Variants in ASPH observed in about 807,000 individuals in gnomAD.
ASPH encodes the protein aspartyl/asparaginyl beta-hydroxylase.
ASPH carries 100 observed loss-of-function variants against 118.4 expected under a neutral mutation model. The ratio of observed to expected loss-of-function variants is 0.84; its 90% CI spans 0.72 to 1.00. The LOEUF (loss-of-function observed/expected upper bound fraction) is 1.00, where lower values mean the gene tolerates loss of function less well. Among genes scored for constraint, ASPH ranks in the 50% least tolerant of loss-of-function variants. ASPH has a pLI of 0.00. For missense variants in ASPH, 920 were observed against 919.5 expected, an observed-to-expected ratio of 1.00 and a Z score of -0.01; for synonymous variants, 315 against 325.6, an observed-to-expected ratio of 0.97 and a Z score of 0.35.
At chr8:61,545,126 C>T (rs1306375660) in intron 21 of ASPH, among the ~76,000 whole-genome samples, 1 of 152,110 alleles carries the variant, frequency 6.6e-6, no homozygotes, top group Non-Finnish European at 1.5e-5. Context: ...CGTTTGTGTC[C>T]CCCAAATTCA....
At chr8:61,599,992 T>C (rs1843511555) in intron 14 of ASPH, among the ~76,000 whole-genome samples, 1 of 152,156 alleles carries the variant, frequency 6.6e-6, no homozygotes, top group Admixed American at 6.5e-5. Flanking sequence ...CTGATATTCC[T>C]GATACGAAAA....
chr8:61,543,929 C>T (rs1432933862), intron 21 of ASPH, among the ~76,000 whole-genome samples: 1 of 152,146 alleles, frequency 6.6e-6, no homozygotes, highest in East Asian at 1.9e-4. Context: ...ATTGTTTTGA[C>T]TAATAGCCTG....
chr8:61,505,364 G>A (rs144150240), intron 24 of ASPH, among the ~76,000 whole-genome samples: 18 of 152,124 alleles, frequency 1.2e-4, no homozygotes, highest in African/African-American at 3.9e-4. Flanking sequence ...GCGTGGTAGC[G>A]CATGCCTGTA....
At chr8:61,521,998 T>C (rs747130570) in intron 22 of ASPH, among the ~76,000 whole-genome samples, 6 of 152,108 alleles carry the variant, frequency 3.9e-5, no homozygotes, top group African/African-American at 7.2e-5. Context: ...AGAAAGGCTG[T>C]TGGGGTCAGT....
At chr8:61,590,869 C>T (rs1171800891) in intron 14 of ASPH, among the ~76,000 whole-genome samples, 1 of 152,058 alleles carries the variant, frequency 6.6e-6, no homozygotes, top group East Asian at 1.9e-4. Flanking sequence ...ACTTTTGAGA[C>T]CTCGTTTAAA....
At position 61,629,111 on chromosome 8, in the gene ASPH, G is replaced by A. The variant is rs146239189; in HGVS notation, c.934+4572C>T. Among the ~76,000 whole-genome samples, 218 of 152,256 alleles carry A rather than the reference G, an allele frequency of 1.4e-3. 1 individual carries two copies. Among genetic ancestry groups the A allele is most frequent in the African/African-American group, 4.5e-3 (186 of 41,538 alleles). On this transcript the variant is annotated intron_variant, in intron 13 of 24. Coordinates refer to ENST00000379454, the MANE Select transcript of ASPH (RefSeq NM_004318.4). ...ATGGAGTGAAACCACTACCAATGCT[G>A]GAATACTCAGCAGTGGGATAAGCTG... is the stretch of plus-strand genomic sequence containing the variant.
At chr8:61,708,898 G>A (rs1489212561) in intron 1 of ASPH, among the ~76,000 whole-genome samples, 1 of 98,172 alleles carries the variant, frequency 1.0e-5, no homozygotes, top group Non-Finnish European at 1.9e-5. Context: ...CCTCAACCAA[G>A]TCAATTCACC....
At chr8:61,506,398 C>T (rs573304042) in intron 24 of ASPH, among the ~76,000 whole-genome samples, 14 of 152,154 alleles carry the variant, frequency 9.2e-5, no homozygotes, top group African/African-American at 3.1e-4. Flanking sequence ...GAGGATAGAT[C>T]ATGTTGATGG....
intron 21 of ASPH, among the ~76,000 whole-genome samples, chr8:61,536,299 A>G (rs1208283575): frequency 3.3e-5 from 5 of 152,152 alleles, no homozygotes; most frequent in Non-Finnish European, 7.3e-5. Context: ...TCAGCCTCCC[A>G]AAGTGCTGTG....
intron 3 of ASPH, among the ~76,000 whole-genome samples, chr8:61,655,023 G>T (rs1812912273): frequency 6.6e-6 from 1 of 152,176 alleles, no homozygotes; most frequent in South Asian, 2.1e-4. Context: ...TAATGGAACA[G>T]GTATGGAATG....
chr8:61,645,341 T>C lies in ASPH; in HGVS notation c.620-709A>G, dbSNP rs28491327. ...AATCTGTGACTCCTAACTTTAAGAATATCAAATTCCTCATGCTTCTGTTTA... is the reference window on the plus strand; with the variant it reads ...AATCTGTGACTCCTAACTTTAAGAACATCAAATTCCTCATGCTTCTGTTTA... On this transcript the variant is annotated intron_variant, in intron 6 of 24. Transcript: ENST00000379454. Among the ~76,000 whole-genome samples, 839 of 152,304 alleles carry C rather than the reference T, an allele frequency of 5.5e-3. 9 individuals carry two copies. The highest frequency in any genetic ancestry group is 0.019 in the African/African-American group (788 of 41,572).
chr8:61,592,641 A>G (rs772333380), intron 14 of ASPH, among the ~76,000 whole-genome samples: 20 of 152,266 alleles, frequency 1.3e-4, no homozygotes, highest in Non-Finnish European at 2.5e-4. Flanking sequence ...AAAATAAGAT[A>G]TTAAAGAAAA....
intron 22 of ASPH, among the ~76,000 whole-genome samples, chr8:61,519,620 G>A (rs919637814): frequency 3.3e-5 from 5 of 152,180 alleles, no homozygotes; most frequent in African/African-American, 1.2e-4. Flanking sequence ...TTAAAATAGG[G>A]AGATTATCCA....
chr8:61,619,414 G>C (rs1272692991), intron 13 of ASPH, among the ~76,000 whole-genome samples: 6 of 152,124 alleles, frequency 3.9e-5, no homozygotes, highest in African/African-American at 1.4e-4. Flanking sequence ...AAAACTACTT[G>C]AACAATTGAC....
chr8:61,529,647 C>T (rs924111104), intron 21 of ASPH, among the ~76,000 whole-genome samples: 3 of 152,292 alleles, frequency 2.0e-5, no homozygotes, highest in East Asian at 1.9e-4. Flanking sequence ...TAATTACACT[C>T]GGCATGTGTA....
chr8:61,653,703 GT>G (rs761170681), intron 3 of ASPH, 43 bp from the exon 4 acceptor site: 77 of 1,580,352 alleles, frequency 4.9e-5, no homozygotes, highest in Non-Finnish European at 6.6e-5. Context: ...TTTTTGTGGG[GT>G]TTTCTGTCAC....
In ASPH at chr8:61,618,339, GA is replaced by G. The variant is rs145269132; in HGVS notation, c.976+638del. ...TTATTAAAGATCATATCATTCAACT[GA>G]TACTAAAAATAGCCACTATTCTATG... On this transcript the variant is annotated intron_variant, in intron 14 of 24. Transcript: ENST00000379454. 6.3e-3 allele frequency among the ~76,000 whole-genome samples: 966 copies of G among 152,210 alleles called. 13 individuals carry two copies. Among genetic ancestry groups the G allele is most frequent in the African/African-American group, 0.022 (908 of 41,514 alleles).
intron 18 of ASPH, among the ~76,000 whole-genome samples, chr8:61,557,202 T>C (rs780266054): frequency 5.3e-5 from 8 of 152,050 alleles, no homozygotes; most frequent in Non-Finnish European, 1.0e-4. Flanking sequence ...GCTTGCTAAA[T>C]CCTAGGTCAG....
At chr8:61,651,173 A>G (rs371582385) in intron 4 of ASPH, 49 bp from the exon 5 acceptor site, 92 of 1,462,576 alleles carry the variant, frequency 6.3e-5, no homozygotes, top group African/African-American at 8.4e-5. Context: ...AAACATCAAC[A>G]TGGACCCCTA....
Sources: allele counts gnomAD v4.1 joint callset (sites outside exome capture counted in the v4.1 genomes callset), GRCh38; gene constraint gnomAD v4.1.1; transcripts MANE v1.5; gene names NCBI Gene and HGNC (gene_info 2026-07-23, HGNC 2026-07-21).